Variants in MFSD6 observed in about 807,000 individuals in gnomAD.
MFSD6 encodes the protein major facilitator superfamily domain containing 6, also known as major facilitator superfamily domain-containing protein 6.
In MFSD6, 26 loss-of-function variants were observed where a neutral mutation model predicts 56.3. The observed-to-expected ratio is 0.46, with a 90% CI of 0.34 to 0.64. The LOEUF is 0.64. Among genes scored for constraint, MFSD6 ranks in the 30% least tolerant of loss-of-function variants. The pLI is 0.01. For missense variants in MFSD6, 750 were observed against 986.2 expected (o/e 0.76, Z 3.21); for synonymous variants, 331 against 366.9 (o/e 0.90, Z 1.12).
Position 190,425,810 on chromosome 2 carries a change from T to G in MFSD6, c.-53-10167T>G, listed in dbSNP as rs1167449233. Among the ~76,000 whole-genome samples the G allele has an allele frequency of 6.6e-6, 1 of 152,144 alleles. No homozygotes were observed. Among genetic ancestry groups the G allele is most frequent in the African/African-American group, 2.4e-5 (1 of 41,456 alleles). ...ACCAGGGATATTAGTAGTTTTCTGTTTTTTTGGACAGTCTTTTTTTCTGGA... is the reference window on the plus strand; with the variant it reads ...ACCAGGGATATTAGTAGTTTTCTGTGTTTTTGGACAGTCTTTTTTTCTGGA... On this transcript the variant is annotated intron_variant, in intron 2 of 7. Transcript: ENST00000392328. This position sits in a 1 kb window ranked among gnomAD's most constrained non-coding sequence, Gnocchi z 4.3.
chr2:190,492,878 T>G lies in MFSD6; in HGVS notation c.1891+3012T>G, dbSNP rs138390948. Among the ~76,000 whole-genome samples, 166 of 151,666 alleles carry G rather than the reference T, an allele frequency of 1.1e-3. 2 individuals are homozygous for G. The highest frequency in any genetic ancestry group is 2.4e-4 in the Non-Finnish European group (16 of 67,912). ...CAGCACTACAAGAGCTGAAAGGAGC[T>G]CTAAATCTTGAAACAAATCCTGGAA... On this transcript the variant is annotated intron_variant, in intron 6 of 7. Coordinates refer to ENST00000392328, the MANE Select transcript of MFSD6 (RefSeq NM_017694.4). This position sits in a 1 kb window ranked among gnomAD's most constrained non-coding sequence, Gnocchi z 5.2.
intron 1 of MFSD6, chr2:190,411,099 C>T: frequency 1.0e-6 from 1 of 982,368 alleles, no homozygotes; most frequent in Non-Finnish European, 1.2e-6. Flanking sequence ...AATTTATATA[C>T]ATTTGTTTAA....
At chr2:190,453,282 G>C (rs542074795) in intron 3 of MFSD6, among the ~76,000 whole-genome samples, 1 of 152,062 alleles carries the variant, frequency 6.6e-6, no homozygotes, top group Non-Finnish European at 1.5e-5. Flanking sequence ...CAGGAAGAGA[G>C]GTGTGGGCTC....
intron 2 of MFSD6, 158 bp from the exon 3 acceptor site, chr2:190,435,802 TTTAAAAGCTATTTTTCC>T: frequency 5.5e-6 from 3 of 543,124 alleles, no homozygotes; most frequent in Non-Finnish European, 9.1e-6. Flanking sequence ...ATTCGATTTT[TTTAAAAGCTATTTTTCC>T]TTACCGGTAT....
chr2:190,484,027 T>G (rs10190082), intron 4 of MFSD6, among the ~76,000 whole-genome samples: 45,689 of 151,932 alleles, frequency 0.3, 8,203 homozygotes, highest in African/African-American at 0.49. Flanking sequence ...AAGGAAGGAC[T>G]GAGAAACTAA....
chr2:190,440,310 AAC>A (rs1380374947), intron 3 of MFSD6, among the ~76,000 whole-genome samples: 1 of 152,196 alleles, frequency 6.6e-6, no homozygotes. Context: ...TGTCAGTCTA[AAC>A]ACACACACAT....
intron 2 of MFSD6, among the ~76,000 whole-genome samples, chr2:190,422,855 A>G (rs1170038840): frequency 3.3e-5 from 5 of 151,692 alleles, no homozygotes; most frequent in Middle Eastern, 3.4e-3. Context: ...GGGAGATGCT[A>G]TATCTGTCTC....
rs970339240 is a variant in MFSD6 at position 190,461,898 on chromosome 2, G to A, written c.1533-7860G>A. Among the ~76,000 whole-genome samples the A allele has an allele frequency of 1.3e-5, 2 of 151,980 alleles. No individual in the cohort carries two copies. The highest frequency in any genetic ancestry group is 4.8e-5 in the African/African-American group (2 of 41,360). ...TTAATATACTTTCAGAACAATCTGA[G>A]AGCAGAAGTCTTTTAATTTAAAAAT... is the stretch of plus-strand genomic sequence containing the variant. On this transcript the variant is annotated intron_variant, in intron 3 of 7. Transcript: ENST00000392328. The surrounding 1 kb of genome is among the most constrained non-coding windows in gnomAD (Gnocchi z 5.5).
In MFSD6 at chr2:190,423,807, T is replaced by A. The variant is rs900817139; in HGVS notation, c.-54+8394T>A. On this transcript the variant is annotated intron_variant, in intron 2 of 7. Transcript: ENST00000392328. The surrounding 1 kb of genome is among the most constrained non-coding windows in gnomAD (Gnocchi z 4.3). ...GCCTCCTTATCAGAATTCAGTGTTA[T>A]CCCTATTTTTATTTTAACCATTCTT... is the stretch of plus-strand genomic sequence containing the variant. Among the ~76,000 whole-genome samples, 2 of 152,202 alleles carry A rather than the reference T, an allele frequency of 1.3e-5. No homozygotes were observed. Among genetic ancestry groups the A allele is most frequent in the African/African-American group, 4.8e-5 (2 of 41,458 alleles).
In MFSD6 at chr2:190,500,901, C is replaced by T. The variant is rs1689992747; in HGVS notation, c.*683C>T. ...CTATTATTAACTACTGCAAGCTAAG[C>T]CGAGCTTAAAAATGCCTTTTGTTTT... On this transcript the variant is annotated 3_prime_UTR_variant, in exon 8 of 8. Coordinates refer to ENST00000392328, the MANE Select transcript of MFSD6 (RefSeq NM_017694.4). The surrounding 1 kb of genome is among the most constrained non-coding windows in gnomAD (Gnocchi z 5.3). The T allele has an allele frequency of 6.6e-6, 1 of 152,092 alleles. No homozygotes were observed. Among genetic ancestry groups the T allele is most frequent in the Non-Finnish European group, 1.5e-5 (1 of 68,022 alleles). 9.4% of individuals were successfully genotyped at this position (152,092 alleles called of 1,614,324 possible).
Position 190,417,554 on chromosome 2 carries a change from G to C in MFSD6, c.-54+2141G>C, listed in dbSNP as rs932344769. 3.9e-5 allele frequency among the ~76,000 whole-genome samples: 6 copies of C among 152,070 alleles called. No homozygotes were observed. In the East Asian group the frequency reaches 1.2e-3, roughly 29 times the overall value. On this transcript the variant is annotated intron_variant, in intron 2 of 7. Coordinates refer to ENST00000392328, the MANE Select transcript of MFSD6 (RefSeq NM_017694.4). This position sits in a 1 kb window ranked among gnomAD's most constrained non-coding sequence, Gnocchi z 5.7. Reference sequence around the variant, plus strand: ...GTGGGTGCTCGATCTATAGCTGTAGGGTTTTTTTGGTTGTTCAAATGAATG... The same window carrying C: ...GTGGGTGCTCGATCTATAGCTGTAGCGTTTTTTTGGTTGTTCAAATGAATG...
rs1227012325 is a variant in MFSD6 at position 190,465,185 on chromosome 2, C to T, written c.1533-4573C>T. Among the ~76,000 whole-genome samples, 3 of 152,076 alleles carry T rather than the reference C, an allele frequency of 2.0e-5. No homozygotes were observed. Among genetic ancestry groups the T allele is most frequent in the Non-Finnish European group, 4.4e-5 (3 of 67,986 alleles). ...GTTTGCTCAAATACAGGATAAAAAA[C>T]GAGTGGCAGGTGATTTGGGTTTTCC... On this transcript the variant is annotated intron_variant, in intron 3 of 7. Transcript: ENST00000392328. This position sits in a 1 kb window ranked among gnomAD's most constrained non-coding sequence, Gnocchi z 4.6.
chr2:190,453,142 G>A (rs1407814033), intron 3 of MFSD6, among the ~76,000 whole-genome samples: 1 of 152,098 alleles, frequency 6.6e-6, no homozygotes, highest in Non-Finnish European at 1.5e-5. Context: ...GACATTGGGA[G>A]TGGATATAAA....
chr2:190,408,285 C>T (rs1157623073), upstream of MFSD6: 1 of 150,248 alleles, frequency 6.7e-6, no homozygotes, highest in East Asian at 1.9e-4. Context: ...GCTGGGCCCT[C>T]CGCCTCCGTC....
chr2:190,462,632 G>A lies in MFSD6; in HGVS notation c.1533-7126G>A, dbSNP rs189707625. ...ATGAGTCCTCTAATGGAAACAAAGA[G>A]TGTAGCAGAGGAACAGCGGGGGACA... is the stretch of plus-strand genomic sequence containing the variant. On this transcript the variant is annotated intron_variant, in intron 3 of 7. Coordinates refer to ENST00000392328, the MANE Select transcript of MFSD6 (RefSeq NM_017694.4). The surrounding 1 kb of genome is among the most constrained non-coding windows in gnomAD (Gnocchi z 5.7). Among the ~76,000 whole-genome samples the A allele has an allele frequency of 7.2e-4, 109 of 152,288 alleles. No individual in the cohort carries two copies. The highest frequency in any genetic ancestry group is 2.4e-3 in the African/African-American group (101 of 41,548).
Position 190,458,650 on chromosome 2 carries a change from G to C in MFSD6, c.1533-11108G>C, listed in dbSNP as rs769536683. Among the ~76,000 whole-genome samples, 2 of 152,166 alleles carry C rather than the reference G, an allele frequency of 1.3e-5. No individual in the cohort carries two copies. The highest frequency in any genetic ancestry group is 6.5e-5 in the Admixed American group (1 of 15,284). On this transcript the variant is annotated intron_variant, in intron 3 of 7. Coordinates refer to ENST00000392328, the MANE Select transcript of MFSD6 (RefSeq NM_017694.4). This position sits in a 1 kb window ranked among gnomAD's most constrained non-coding sequence, Gnocchi z 5.3. ...TAGCCTTTGCTTGACCGTTTCTAGA[G>C]ATATGGAACTTGCTGTCTCCAAAGG...
chr2:190,450,738 C>T (rs1686750408), intron 3 of MFSD6, among the ~76,000 whole-genome samples: 1 of 152,074 alleles, frequency 6.6e-6, no homozygotes, highest in South Asian at 2.1e-4. Flanking sequence ...AGTGATCTGC[C>T]CACCTCAGCC....
chr2:190,452,267 AATAAC>A (rs1326356801), intron 3 of MFSD6, among the ~76,000 whole-genome samples: 1 of 152,048 alleles, frequency 6.6e-6, no homozygotes. Context: ...AAACAACAAC[AATAAC>A]ACAACAACAA....
intron 2 of MFSD6, among the ~76,000 whole-genome samples, chr2:190,429,405 A>G (rs957109371): frequency 6.6e-6 from 1 of 150,758 alleles, no homozygotes; most frequent in African/African-American, 2.4e-5. Context: ...GGCTCACTGC[A>G]ACCTCCGTCT....
Sources: gnomAD v4.1 joint callset for allele counts (sites outside exome capture counted in the v4.1 genomes callset) on GRCh38, gnomAD v4.1.1 for gene constraint, Gnocchi (gnomAD v3.1) non-coding constraint, MANE v1.5 for transcripts, NCBI Gene and HGNC (gene_info 2026-07-23, HGNC 2026-07-21) for gene names.